Variants in SLC22A25 observed in about 807,000 individuals in gnomAD.
The protein encoded by SLC22A25 is solute carrier family 22 member 25.
In SLC22A25, 44 loss-of-function variants were observed where a neutral mutation model predicts 45.9. That is an observed-to-expected ratio of 0.96 (90% confidence interval 0.75 to 1.23). The LOEUF (loss-of-function observed/expected upper bound fraction) is 1.23, where lower values mean the gene tolerates loss of function less well. SLC22A25 is among the 50% of genes most tolerant of loss of function. The pLI is 0.00. For synonymous variants in SLC22A25, 283 were observed against 238.6 expected (o/e 1.19, Z -1.72); for missense variants, 800 against 666.4 (o/e 1.20, Z -2.21).
Position 63,186,493 on chromosome 11 carries a change from T to C in SLC22A25, c.831-2676A>G, listed in dbSNP as rs1198039067. Among the ~76,000 whole-genome samples, 699 of 151,512 alleles carry C rather than the reference T, an allele frequency of 4.6e-3. 4 individuals are homozygous for C. The highest frequency in any genetic ancestry group is 0.016 in the African/African-American group (656 of 41,424). On this transcript the variant is annotated intron_variant, in intron 7 of 11. Coordinates refer to ENST00000306494, the MANE Select transcript of SLC22A25 (RefSeq NM_199352.6). ...CAAAAATTTTCTCCCATTCTGTAGG[T>C]TGCCTGTTCACTCTGATGGTAGTTT...
chr11:63,167,729 T>C (rs2087733068), intron 9 of SLC22A25: 1 of 153,620 alleles, frequency 6.5e-6, no homozygotes, highest in Admixed American at 6.5e-5. Flanking sequence ...GGGGTGGCTG[T>C]GGGTGCAGCT....
chr11:63,214,165 T>G, intron 7 of SLC22A25, among the ~76,000 whole-genome samples: 1 of 152,162 alleles, frequency 6.6e-6, no homozygotes, highest in African/African-American at 2.4e-5. Context: ...CTCTGGTGGG[T>G]TCTTGCTTAT....
At chr11:63,220,006 CGAT>C in intron 5 of SLC22A25, 1 of 1,289,096 alleles carries the variant, frequency 7.8e-7, no homozygotes. Context: ...CATGGTTGGG[CGAT>C]GATAATGGTT....
chr11:63,171,245 C>T (rs1007741474), intron 9 of SLC22A25, among the ~76,000 whole-genome samples: 3 of 152,266 alleles, frequency 2.0e-5, no homozygotes, highest in Middle Eastern at 3.4e-3. Flanking sequence ...CCTTTGAAAA[C>T]TGGCACAAGA....
In SLC22A25 at chr11:63,190,700, G is replaced by C. The variant is rs151301497; in HGVS notation, c.831-6883C>G. Among the ~76,000 whole-genome samples the C allele has an allele frequency of 8.8e-3, 1,336 of 152,182 alleles. 6 individuals carry two copies. Among genetic ancestry groups the C allele is most frequent in the African/African-American group, 0.018 (763 of 41,516 alleles). On this transcript the variant is annotated intron_variant, in intron 7 of 11. Coordinates refer to ENST00000306494, the MANE Select transcript of SLC22A25 (RefSeq NM_199352.6). ...GTTTTATCTACCTTTGCTCTTTGAT[G>C]ATGGTGACTTACAGATGGGATTTTG...
chr11:63,206,830 T>C (rs2089417891), intron 7 of SLC22A25, among the ~76,000 whole-genome samples: 1 of 152,128 alleles, frequency 6.6e-6, no homozygotes, highest in African/African-American at 2.4e-5. Context: ...CAAGGCAATG[T>C]TAAGCAAAAA....
chr11:63,185,583 T>C (rs1160980985), intron 7 of SLC22A25, among the ~76,000 whole-genome samples: 2 of 151,008 alleles, frequency 1.3e-5, no homozygotes, highest in African/African-American at 4.9e-5. Flanking sequence ...AGGGTACATG[T>C]GCACATTGTG....
chr11:63,205,259 A>C (rs2089366176), intron 7 of SLC22A25, among the ~76,000 whole-genome samples: 1 of 152,190 alleles, frequency 6.6e-6, no homozygotes, highest in Non-Finnish European at 1.5e-5. Flanking sequence ...GAACTAGAGA[A>C]GTAAGAGTAA....
At chr11:63,237,645 A>C (rs2090186618) in intron 3 of SLC22A25, among the ~76,000 whole-genome samples, 1 of 152,184 alleles carries the variant, frequency 6.6e-6, no homozygotes, top group Non-Finnish European at 1.5e-5. Flanking sequence ...CATATTTCTA[A>C]ATCACATGTT....
intron 8 of SLC22A25, among the ~76,000 whole-genome samples, chr11:63,183,155 T>G (rs2088391088): frequency 6.6e-6 from 1 of 152,254 alleles, no homozygotes; most frequent in South Asian, 2.1e-4. Flanking sequence ...TTATAGTAAG[T>G]AGAAGAAACT....
intron 7 of SLC22A25, among the ~76,000 whole-genome samples, chr11:63,212,357 C>T (rs1435493773): frequency 6.6e-6 from 1 of 152,150 alleles, no homozygotes; most frequent in Non-Finnish European, 1.5e-5. Context: ...GCTATAAAGA[C>T]ACACGCACAC....
At chr11:63,165,221 G>T (rs1421301804) in intron 10 of SLC22A25, among the ~76,000 whole-genome samples, 1 of 152,120 alleles carries the variant, frequency 6.6e-6, no homozygotes, top group Non-Finnish European at 1.5e-5. Flanking sequence ...AGTTTCAGAG[G>T]CAGGATTCTA....
chr11:63,174,690 A>T lies in SLC22A25; in HGVS notation c.1070+5970T>A, dbSNP rs115673201. 7.4e-3 allele frequency among the ~76,000 whole-genome samples: 1,121 copies of T among 152,230 alleles called. 9 individuals carry two copies. The highest frequency in any genetic ancestry group is 0.025 in the African/African-American group (1,027 of 41,562). On this transcript the variant is annotated intron_variant, in intron 9 of 11. Transcript: ENST00000306494. ...GCATAACACGAGTTCTGCCCTGTTA[A>T]CAAATTTTTAAGTGTACAGTAAAAT...
Position 63,170,503 on chromosome 11 carries a change from G to A in SLC22A25, c.1071-4245C>T, listed in dbSNP as rs564789672. On this transcript the variant is annotated intron_variant, in intron 9 of 11. Coordinates refer to ENST00000306494, the MANE Select transcript of SLC22A25 (RefSeq NM_199352.6). The stretch of plus-strand genomic sequence containing the variant: ...AGGGGATATCACCGCTAACCCCACA[G>A]AAATACAAACTACCGTCAGAGAATA... Among the ~76,000 whole-genome samples, 9 of 152,262 alleles carry A rather than the reference G, an allele frequency of 5.9e-5. No individual in the cohort carries two copies. The South Asian group carries it at 1.9e-3, about 32-fold the overall frequency.
At position 63,158,830 on chromosome 11, in the gene SLC22A25, A is replaced by G. The variant is rs2087515083; in HGVS notation, c.*4994T>C. 6.6e-6 allele frequency among the ~76,000 whole-genome samples: 1 copy of G among 152,172 alleles called. No homozygotes were observed. Among genetic ancestry groups the G allele is most frequent in the South Asian group, 2.1e-4 (1 of 4,824 alleles). ...CTATAGTCATCCTGTTGTGCTATCA[A>G]ATAGTAGATCTTATTCATTCTTTCC... On this transcript the variant is annotated 3_prime_UTR_variant, in exon 12 of 12. Transcript: ENST00000306494.
rs1280142964 is a variant in SLC22A25 at position 63,164,514 on chromosome 11, A to G, written c.1394+12T>C. 1 of 1,608,494 alleles carries G rather than the reference A, an allele frequency of 6.2e-7. No homozygotes were observed. Among genetic ancestry groups the G allele is most frequent in the Non-Finnish European group, 8.5e-7 (1 of 1,175,258 alleles). ...ATTTTGAGAATGACAGAGCACACAT[A>G]AACTTTTGTACCTGATTATGGAAGG... On this transcript the variant is annotated intron_variant, in intron 11 of 11. Transcript: ENST00000306494.
intron 9 of SLC22A25, among the ~76,000 whole-genome samples, chr11:63,177,789 C>A (rs2088146240): frequency 9.0e-6 from 1 of 110,990 alleles, no homozygotes; most frequent in Non-Finnish European, 2.0e-5. Context: ...CTCTACATAT[C>A]CGATTATATA....
chr11:63,194,889 G>GAAAAAAAAAAAAAAAAAAA (rs1565091135), intron 7 of SLC22A25, among the ~76,000 whole-genome samples: 1 of 14,288 alleles, frequency 7.0e-5, no homozygotes, highest in Non-Finnish European at 1.4e-4. Flanking sequence ...CAAATGGAAA[G>GAAAAAAAAAAAAAAAAAAA]CAAAAAAAAA....
At chr11:63,166,826 T>A (rs1197944267) in intron 9 of SLC22A25, 1 of 984,748 alleles carries the variant, frequency 1.0e-6, no homozygotes, top group African/African-American at 1.7e-5. Context: ...TATTTAATGG[T>A]GTCTAACTTC....
Sources: gnomAD v4.1 joint callset for allele counts (sites outside exome capture counted in the v4.1 genomes callset) on GRCh38, gnomAD v4.1.1 for gene constraint, MANE v1.5 for transcripts, NCBI Gene and HGNC (gene_info 2026-07-23, HGNC 2026-07-21) for gene names.